Variants in MRPL42 observed in about 807,000 individuals in gnomAD.
MRPL42 encodes the protein mitochondrial ribosomal protein L42, also known as large ribosomal subunit protein mL42.
Under a neutral mutation model 17.9 loss-of-function variants are expected in MRPL42, and 17 were observed. The observed-to-expected ratio is 0.95, with a 90% confidence interval of 0.65 to 1.42. The LOEUF (loss-of-function observed/expected upper bound fraction) is 1.42, where lower values mean the gene tolerates loss of function less well. Among genes scored for constraint, MRPL42 ranks in the 40% most tolerant of loss-of-function variants. MRPL42 has a pLI of 0.00. For synonymous variants in MRPL42, 59 were observed against 54.4 expected (o/e 1.08, Z -0.37); for missense variants, 177 against 175.2 (o/e 1.01, Z -0.06).
chr12:93,511,145 A>G lies in MRPL42; in HGVS notation c.*9924A>G, dbSNP rs902134361. 4.6e-5 allele frequency: 7 copies of G among 152,328 alleles called. No individual in the cohort carries two copies. Among genetic ancestry groups the G allele is most frequent in the Admixed American group, 2.6e-4 (4 of 15,300 alleles). The allele number at this position is 152,328 out of a possible 1,614,324, so 9.4% of individuals were successfully genotyped here. A position where few individuals can be genotyped will look rare whatever the true frequency, so the allele number is the denominator to read the frequency against. ...ATATAATTCTTCATATACTGAGTTC[A>G]GTTTTTTAGCCATAAATGAAGACAT... is the stretch of plus-strand genomic sequence containing the variant. On this transcript the variant is annotated 3_prime_UTR_variant, in exon 6 of 6. Coordinates refer to ENST00000549982, the MANE Select transcript of MRPL42 (RefSeq NM_014050.4).
At chr12:93,468,161 G>A (rs955549777) in intron 1 of MRPL42, among the ~76,000 whole-genome samples, 6 of 152,166 alleles carry the variant, frequency 3.9e-5, no homozygotes, top group Admixed American at 1.3e-4. Context: ...AGCACATATT[G>A]TATATGAAAG....
intron 5 of MRPL42, among the ~76,000 whole-genome samples, chr12:93,489,352 A>G (rs1049224574): frequency 5.3e-5 from 8 of 152,070 alleles, no homozygotes; most frequent in Admixed American, 6.6e-5. Flanking sequence ...TTATAACAAA[A>G]CATAGCCCAT....
chr12:93,482,918 G>T (rs1409248861), intron 4 of MRPL42, among the ~76,000 whole-genome samples: 1 of 149,562 alleles, frequency 6.7e-6, no homozygotes, highest in East Asian at 2.0e-4. Context: ...TTGAGACAGA[G>T]TCTCACTCTG....
In MRPL42 at chr12:93,507,546, C is replaced by A. The variant is rs924775521; in HGVS notation, c.*6325C>A. ...TTATCTATTGCCAATTAACAAATCA[C>A]CCCAAAGCTCATTGGCTTAAAACAA... is the stretch of plus-strand genomic sequence containing the variant. On this transcript the variant is annotated 3_prime_UTR_variant, in exon 6 of 6. Transcript: ENST00000549982. 6 of 152,194 alleles carry A rather than the reference C, an allele frequency of 3.9e-5. No individual in the cohort carries two copies. The highest frequency in any genetic ancestry group is 8.8e-5 in the Non-Finnish European group (6 of 68,048). 9.4% of individuals were successfully genotyped at this position (152,194 alleles called of 1,614,324 possible). A position where few individuals can be genotyped will look rare whatever the true frequency, so the allele number is the denominator to read the frequency against.
At chr12:93,467,697 T>G (rs2290880) in intron 1 of MRPL42, 143 bp downstream of exon 1, 78,687 of 152,570 alleles carry the variant, frequency 0.52, 20,370 homozygotes, top group Non-Finnish European at 0.53. Context: ...TTGTCCTTCC[T>G]GCAGAAGAGC....
In MRPL42 at chr12:93,513,236, C is replaced by T. The variant is rs894341602; in HGVS notation, c.*12015C>T. 2.3e-5 allele frequency: 2 copies of T among 86,598 alleles called. No individual in the cohort carries two copies. Among genetic ancestry groups the T allele is most frequent in the South Asian group, 6.2e-4 (2 of 3,224 alleles). 5.4% of individuals were successfully genotyped at this position (86,598 alleles called of 1,614,324 possible). Reference sequence around the variant, plus strand: ...AGAGAGGGTCTCATTCATTTTATTGCCCAGGCTGGAGTGCAGTGGTGCAAT... The same window carrying T: ...AGAGAGGGTCTCATTCATTTTATTGTCCAGGCTGGAGTGCAGTGGTGCAAT... On this transcript the variant is annotated 3_prime_UTR_variant, in exon 6 of 6. Coordinates refer to ENST00000549982, the MANE Select transcript of MRPL42 (RefSeq NM_014050.4).
At chr12:93,488,778 A>AT (rs1187073246) in intron 5 of MRPL42, among the ~76,000 whole-genome samples, 1 of 150,296 alleles carries the variant, frequency 6.7e-6, no homozygotes, top group African/African-American at 2.4e-5. Flanking sequence ...CCTCTTTTTG[A>AT]TTTTTTTCTT....
At chr12:93,474,842 G>A (rs1448979341) in intron 2 of MRPL42, among the ~76,000 whole-genome samples, 4 of 138,192 alleles carry the variant, frequency 2.9e-5, no homozygotes, top group Non-Finnish European at 6.3e-5. Flanking sequence ...GGTAATCCCA[G>A]CACTTTGGGA....
At position 93,504,116 on chromosome 12, in the gene MRPL42, A is replaced by G. The variant is rs1254463418; in HGVS notation, c.*2895A>G. The G allele has an allele frequency of 6.5e-6, 1 of 153,288 alleles. No homozygotes were observed. The highest frequency in any genetic ancestry group is 2.4e-5 in the African/African-American group (1 of 41,194). The allele number at this position is 153,288 out of a possible 1,614,324, so 9.5% of individuals were successfully genotyped here. On this transcript the variant is annotated 3_prime_UTR_variant, in exon 6 of 6. Transcript: ENST00000549982. ...CCATGTCCGGCATCCATGTTTATGTACATTTTTAAAGTCAGTGGTTTAAAC... is the reference window on the plus strand; with the variant it reads ...CCATGTCCGGCATCCATGTTTATGTGCATTTTTAAAGTCAGTGGTTTAAAC...
intron 5 of MRPL42, chr12:93,488,003 C>G: frequency 4.0e-6 from 1 of 252,546 alleles, no homozygotes; most frequent in Non-Finnish European, 7.4e-6. Context: ...AAGAGTCTTG[C>G]TCTGTCACCC....
rs114739621 is a variant in MRPL42 at position 93,486,037 on chromosome 12, C to G, written c.220-1460C>G. ...TTTAAATTTTTTGTAGAGATGTTGC[C>G]CAGGCTGGTCTCAAACTCCTGGGCT... is the stretch of plus-strand genomic sequence containing the variant. On this transcript the variant is annotated intron_variant, in intron 4 of 5. Coordinates refer to ENST00000549982, the MANE Select transcript of MRPL42 (RefSeq NM_014050.4). 3.1e-3 allele frequency among the ~76,000 whole-genome samples: 470 copies of G among 151,922 alleles called. 5 individuals are homozygous for G. Among genetic ancestry groups the G allele is most frequent in the African/African-American group, 0.011 (449 of 41,432 alleles).
intron 2 of MRPL42, among the ~76,000 whole-genome samples, chr12:93,474,601 A>C (rs1383611281): frequency 1.3e-5 from 2 of 150,392 alleles, no homozygotes; most frequent in South Asian, 2.1e-4. Flanking sequence ...TGCCCAGTTA[A>C]TTTTTAAAAA....
chr12:93,480,829 C>T (rs549711054), intron 4 of MRPL42, among the ~76,000 whole-genome samples: 19 of 152,184 alleles, frequency 1.2e-4, no homozygotes, highest in Admixed American at 6.5e-4. Flanking sequence ...TATGAGCCAC[C>T]GCGCCCGACA....
At position 93,511,925 on chromosome 12, in the gene MRPL42, A is replaced by C. The variant is rs1387352807; in HGVS notation, c.*10704A>C. 1 of 152,224 alleles carries C rather than the reference A, an allele frequency of 6.6e-6. No individual in the cohort carries two copies. Among genetic ancestry groups the C allele is most frequent in the South Asian group, 2.1e-4 (1 of 4,832 alleles). 9.4% of individuals were successfully genotyped at this position (152,224 alleles called of 1,614,324 possible). On this transcript the variant is annotated 3_prime_UTR_variant, in exon 6 of 6. Transcript: ENST00000549982. The stretch of plus-strand genomic sequence containing the variant: ...TTTTTATTTGAAAAAGTCTTGGTAG[A>C]AAAAGCATATCAACTGAACTGTACA...
intron 3 of MRPL42, among the ~76,000 whole-genome samples, chr12:93,478,025 C>T (rs1565810852): frequency 6.6e-6 from 1 of 152,114 alleles, no homozygotes; most frequent in Admixed American, 6.5e-5. Context: ...GGCACAATCT[C>T]AGCTCACTGC....
chr12:93,480,373 G>A (rs528328287), intron 4 of MRPL42, among the ~76,000 whole-genome samples: 131 of 151,112 alleles, frequency 8.7e-4, no homozygotes, highest in Non-Finnish European at 1.6e-3. Flanking sequence ...CGCCTGCCTC[G>A]GCCTCCCAAA....
chr12:93,495,314 A>T (rs1953478958), intron 5 of MRPL42, among the ~76,000 whole-genome samples: 1 of 152,122 alleles, frequency 6.6e-6, no homozygotes. Context: ...ATTTTTTTTC[A>T]TGTCAACTAA....
rs1209300989 is a variant in MRPL42, at chr12:93,508,439, CAAAA to C, written c.*7221_*7224del. On this transcript the variant is annotated 3_prime_UTR_variant, in exon 6 of 6. Transcript: ENST00000549982. ...GAACAAGCACCTGTATCAAAACAAA[CAAAA>C]AAGTGCAAGATTGGAAGCTTCGAGG... is the stretch of plus-strand genomic sequence containing the variant. The C allele has an allele frequency of 6.6e-6, 1 of 152,284 alleles. No homozygotes were observed. The highest frequency in any genetic ancestry group is 2.4e-5 in the African/African-American group (1 of 41,408). 9.4% of individuals were successfully genotyped at this position (152,284 alleles called of 1,614,324 possible).
At chr12:93,473,795 T>G (rs1880023933) in intron 2 of MRPL42, among the ~76,000 whole-genome samples, 1 of 151,826 alleles carries the variant, frequency 6.6e-6, no homozygotes, top group Non-Finnish European at 1.5e-5. Flanking sequence ...CTTGAACTCC[T>G]GGGTTCAAGT....
Sources: allele counts gnomAD v4.1 joint callset (sites outside exome capture counted in the v4.1 genomes callset), GRCh38; gene constraint gnomAD v4.1.1; transcripts MANE v1.5; gene names NCBI Gene and HGNC (gene_info 2026-07-23, HGNC 2026-07-21).